Variants in NAA35 observed in about 807,000 individuals in gnomAD.
The protein encoded by NAA35 is N-alpha-acetyltransferase 35, NatC auxiliary subunit.
NAA35 carries 18 observed loss-of-function variants against 101.7 expected under a neutral mutation model. The ratio of observed to expected loss-of-function variants is 0.18; its 90% confidence interval spans 0.12 to 0.26. NAA35 has a LOEUF of 0.26. NAA35 is among the 10% of genes least tolerant of loss of function. The probability of loss-of-function intolerance (pLI) is 1.00; values close to 1 mark genes in which losing one functional copy is unlikely to be tolerated. For missense variants in NAA35, 601 were observed against 886.8 expected (o/e 0.68, Z 4.09); for synonymous variants, 267 against 273.1 (o/e 0.98, Z 0.22).
At chr9:85,973,602 T>C (rs1014096229) in intron 6 of NAA35, among the ~76,000 whole-genome samples, 21 of 152,184 alleles carry the variant, frequency 1.4e-4, no homozygotes, top group Non-Finnish European at 4.4e-5. Flanking sequence ...AGATAGGTAG[T>C]AGTGCCATTT....
At chr9:85,979,024 TCTC>T (rs1274112763) in intron 11 of NAA35, among the ~76,000 whole-genome samples, 3 of 152,152 alleles carry the variant, frequency 2.0e-5, no homozygotes, top group Non-Finnish European at 2.9e-5. Flanking sequence ...TTTAATCACC[TCTC>T]CTCTTTTTTG....
At chr9:85,982,715 G>T (rs1030097402) in intron 11 of NAA35, among the ~76,000 whole-genome samples, 2 of 152,158 alleles carry the variant, frequency 1.3e-5, no homozygotes, top group Admixed American at 1.3e-4. Context: ...AAAGATACCT[G>T]AATAAACTTG....
intron 11 of NAA35, among the ~76,000 whole-genome samples, chr9:85,989,591 A>G (rs72746670): frequency 0.12 from 17,809 of 152,184 alleles, 1,849 homozygotes; most frequent in African/African-American, 0.28. Flanking sequence ...TTAAACTAGC[A>G]AGAACTTGGA....
At position 85,941,195 on chromosome 9, in the gene NAA35, G is replaced by C. The variant is rs1828495093; in HGVS notation, c.-84G>C. On this transcript the variant is annotated 5_prime_UTR_variant, in exon 1 of 23. Transcript: ENST00000361671. ...TCGGGCTGGGCTGAGAGGGGAGGGG[G>C]CGGCGGCGGCCGAGGCGGCGTCGTT... The C allele has an allele frequency of 1.0e-6, 1 of 986,758 alleles. No individual in the cohort carries two copies. The highest frequency in any genetic ancestry group is 4.6e-5 in the South Asian group (1 of 21,684). The allele number at this position is 986,758 out of a possible 1,614,324, so 61.1% of individuals were successfully genotyped here.
intron 12 of NAA35, among the ~76,000 whole-genome samples, chr9:86,000,891 A>T (rs1831393992): frequency 1.3e-5 from 2 of 151,706 alleles, no homozygotes; most frequent in Admixed American, 6.6e-5. Context: ...GATTTCCCTC[A>T]GTTCACCTCT....
intron 6 of NAA35, among the ~76,000 whole-genome samples, chr9:85,968,978 C>T (rs756938892): frequency 2.0e-5 from 3 of 152,016 alleles, no homozygotes; most frequent in African/African-American, 2.4e-5. Context: ...AGTTCTTTTG[C>T]CCTCTATTGT....
chr9:85,958,548 G>A lies in NAA35; in HGVS notation c.235G>A (p.Val79Ile). 6.2e-7 allele frequency: 1 copy of A among 1,610,998 alleles called. No homozygotes were observed. The highest frequency in any genetic ancestry group is 8.5e-7 in the Non-Finnish European group (1 of 1,178,268). The change falls in exon 4 of 23, where the codon GTT becomes ATT. Residue 79 changes from valine (V) to isoleucine (I), a missense_variant. Transcript: ENST00000361671. The stretch of plus-strand genomic sequence containing the variant: ...GGATGCTGGCATGATTGGAAACCAA[G>A]TTAATCGAAAAGTTCTCAATTTTGA... ...KMDAGMIGNQVNRKVLNFEQA... is the reference protein window; with the variant it reads ...KMDAGMIGNQINRKVLNFEQA...
chr9:85,974,445 C>T (rs546872954), intron 6 of NAA35, among the ~76,000 whole-genome samples: 1 of 152,204 alleles, frequency 6.6e-6, no homozygotes, highest in African/African-American at 2.4e-5. Flanking sequence ...AATGGGGGTC[C>T]TATGTCTGAA....
rs372049324 is a variant in NAA35, at chr9:85,962,895, G to A, written c.516+715G>A. ...GGGTATAGACATTTTCCTTTAGTTT[G>A]TCCTAAGTACCTCACCTGAGGAAGT... On this transcript the variant is annotated intron_variant, in intron 6 of 22. Coordinates refer to ENST00000361671, the MANE Select transcript of NAA35 (RefSeq NM_024635.4). Among the ~76,000 whole-genome samples, 6 of 152,116 alleles carry A rather than the reference G, an allele frequency of 3.9e-5. No homozygotes were observed. In the South Asian group the frequency reaches 8.3e-4, roughly 21 times the overall value.
chr9:85,941,193 G>GGGCGGC lies in NAA35; in HGVS notation c.-79_-74dup, dbSNP rs1351894268. On this transcript the variant is annotated 5_prime_UTR_variant, in exon 1 of 23. Transcript: ENST00000361671. ...GGTCGGGCTGGGCTGAGAGGGGAGG[G>GGGCGGC]GGCGGCGGCGGCCGAGGCGGCGTCG... The GGGCGGC allele has an allele frequency of 3.1e-5, 31 of 986,914 alleles. No individual in the cohort carries two copies. The highest frequency in any genetic ancestry group is 6.1e-5 in the Admixed American group (1 of 16,282). 61.1% of individuals were successfully genotyped at this position (986,914 alleles called of 1,614,324 possible).
At chr9:85,947,693 C>G (rs1382553642) in intron 2 of NAA35, among the ~76,000 whole-genome samples, 2 of 152,174 alleles carry the variant, frequency 1.3e-5, no homozygotes, top group Admixed American at 1.3e-4. Context: ...ACTGCTCATT[C>G]AATTCAACAC....
chr9:85,974,924 G>A (rs1830147159), intron 6 of NAA35, 43 bp from the exon 7 acceptor site: 2 of 1,428,442 alleles, frequency 1.4e-6, no homozygotes, highest in Admixed American at 2.0e-5. Context: ...GCTATTTAAG[G>A]TTTTTTGCTA....
intron 3 of NAA35, among the ~76,000 whole-genome samples, chr9:85,957,955 T>C (rs1294854638): frequency 6.6e-6 from 1 of 151,932 alleles, no homozygotes; most frequent in Non-Finnish European, 1.5e-5. Context: ...TTTTTTTTTT[T>C]TTTGAGAGGG....
At chr9:86,007,521 T>G in intron 14 of NAA35, 57 bp downstream of exon 14, 2 of 1,251,386 alleles carry the variant, frequency 1.6e-6, no homozygotes, top group Non-Finnish European at 2.3e-6. Context: ...AAAGCCCAAC[T>G]TCTCTGTACT....
chr9:85,976,479 G>C (rs1323236751), intron 8 of NAA35, among the ~76,000 whole-genome samples: 1 of 152,018 alleles, frequency 6.6e-6, no homozygotes, highest in Non-Finnish European at 1.5e-5. Context: ...TCTTTTCCAT[G>C]ATCTTTATAA....
At chr9:86,000,161 T>G (rs1037572171) in intron 12 of NAA35, among the ~76,000 whole-genome samples, 7 of 152,102 alleles carry the variant, frequency 4.6e-5, no homozygotes, top group African/African-American at 1.7e-4. Flanking sequence ...AATCATGTGA[T>G]TTTTGTCTTT....
At chr9:85,972,639 A>G (rs1269726992) in intron 6 of NAA35, among the ~76,000 whole-genome samples, 1 of 152,086 alleles carries the variant, frequency 6.6e-6, no homozygotes, top group African/African-American at 2.4e-5. Flanking sequence ...TAGCCACAAC[A>G]GGATAAGTAG....
rs569124343 is a variant in NAA35 at position 86,023,885 on chromosome 9, A to G, written c.*1925A>G. 6.6e-4 allele frequency among the ~76,000 whole-genome samples: 100 copies of G among 152,324 alleles called. No homozygotes were observed. The highest frequency in any genetic ancestry group is 1.5e-5 in the Non-Finnish European group (1 of 68,024). On this transcript the variant is annotated 3_prime_UTR_variant, in exon 23 of 23. Transcript: ENST00000361671. ...GTTTGTTTAGAGAGGAGGTTTCACT[A>G]TGTTGCCCAAACTGACCCAAACTTG...
At chr9:85,948,209 A>G (rs937281615) in intron 2 of NAA35, among the ~76,000 whole-genome samples, 1 of 152,232 alleles carries the variant, frequency 6.6e-6, no homozygotes, top group Non-Finnish European at 1.5e-5. Context: ...TATTATTCAT[A>G]GCTGAGCCAA....
Sources: gnomAD v4.1 joint callset for allele counts (sites outside exome capture counted in the v4.1 genomes callset) on GRCh38, gnomAD v4.1.1 for gene constraint, MANE v1.5 for transcripts, NCBI Gene and HGNC (gene_info 2026-07-23, HGNC 2026-07-21) for gene names.